Variants in MTMR8 observed in about 807,000 individuals in gnomAD.
MTMR8 encodes myotubularin related protein 8, also known as phosphatidylinositol-3,5-bisphosphate 3-phosphatase MTMR8.
Under a neutral mutation model 39.3 loss-of-function variants are expected in MTMR8, and 65 were observed. That is an observed-to-expected ratio of 1.65 (90% CI 1.35 to 2.03). The LOEUF (loss-of-function observed/expected upper bound fraction) is 2.03. Among genes scored for constraint, MTMR8 ranks in the 30% most tolerant of loss-of-function variants. The pLI is 0.00. For synonymous variants in MTMR8, 245 were observed against 185.2 expected, an observed-to-expected ratio of 1.32 and a Z score of -2.62; for missense variants, 777 against 538.9, an observed-to-expected ratio of 1.44 and a Z score of -4.37.
intron 12 of MTMR8, among the ~76,000 whole-genome samples, chrX:64,303,580 T>A (rs1921977229): frequency 8.9e-6 from 1 of 112,344 alleles, no homozygotes; most frequent in East Asian, 2.8e-4. Flanking sequence ...GGAAGGCACA[T>A]GATTTCCTAA....
At chrX:64,320,240 T>C (rs1411552410) in intron 12 of MTMR8, among the ~76,000 whole-genome samples, 1 of 111,196 alleles carries the variant, frequency 9.0e-6, no homozygotes, top group Non-Finnish European at 1.9e-5. Flanking sequence ...CTTGTGATTT[T>C]TGCACATTGA....
At chrX:64,272,467 A>G (rs1046257183) in intron 12 of MTMR8, among the ~76,000 whole-genome samples, 4 of 111,517 alleles carry the variant, frequency 3.6e-5, no homozygotes, top group Non-Finnish European at 7.5e-5. Flanking sequence ...ATTATTTGTC[A>G]TTATCCAGTC....
At chrX:64,277,007 C>A (rs1021515649) in intron 12 of MTMR8, among the ~76,000 whole-genome samples, 1 of 111,697 alleles carries the variant, frequency 9.0e-6, no homozygotes, top group Non-Finnish European at 1.9e-5. Context: ...TTATGTAATG[C>A]CCTTCTTTGT....
Position 64,370,255 on chromosome X carries a change from T to C in MTMR8, c.25-10728A>G, listed in dbSNP as rs191774256. On this transcript the variant is annotated intron_variant, in intron 1 of 13. Coordinates refer to ENST00000374852, the MANE Select transcript of MTMR8 (RefSeq NM_017677.4). ...AATAATCTTAGATATTTAAATGGTGTTGTATGATGTTGGCCTCTTTAACTC... is the reference window on the plus strand; with the variant it reads ...AATAATCTTAGATATTTAAATGGTGCTGTATGATGTTGGCCTCTTTAACTC... 1.4e-4 allele frequency among the ~76,000 whole-genome samples: 16 copies of C among 111,223 alleles called. No homozygotes were observed. In the East Asian group the frequency reaches 4.5e-3, roughly 31 times the overall value.
chrX:64,302,439 A>G (rs7051598), intron 12 of MTMR8, among the ~76,000 whole-genome samples: 26,749 of 111,106 alleles, frequency 0.24, 7,701 homozygotes, highest in African/African-American at 0.83. Flanking sequence ...GACGGTGCGC[A>G]CACCCACTGG....
intron 12 of MTMR8, among the ~76,000 whole-genome samples, chrX:64,312,359 C>G (rs1033030233): frequency 9.0e-6 from 1 of 111,620 alleles, no homozygotes; most frequent in Non-Finnish European, 1.9e-5. Context: ...ATTTTGCATC[C>G]TGAGACTTTG....
intron 4 of MTMR8, among the ~76,000 whole-genome samples, chrX:64,353,647 A>G (rs1773024622): frequency 8.9e-6 from 1 of 111,989 alleles, no homozygotes; most frequent in South Asian, 3.7e-4. Flanking sequence ...TAGGAATGTA[A>G]ATTAGTACAG....
rs138371000 is a variant in MTMR8 at position 64,359,525 on chromosome X, T to C, written c.27A>G (p.Val9=). Residue 9 remains valine, a splice_region_variant and synonymous_variant, in exon 2 of 14, where the codon GTA becomes GTG. Transcript: ENST00000374852. Reference sequence around the variant, plus strand: ...AACGATCCACCAATTTCACGTTTTCTACCTGTTATTGGAGGAAAAAATACT... The same window carrying C: ...AACGATCCACCAATTTCACGTTTTCCACCTGTTATTGGAGGAAAAAATACT... MDHITVPK[V]ENVKLVDRYV... is the part of the protein sequence containing the mutation. 58 of 1,195,766 alleles carry C rather than the reference T, an allele frequency of 4.9e-5. No homozygotes were observed. The African/African-American group carries it at 9.3e-4, about 19-fold the overall frequency.
intron 12 of MTMR8, among the ~76,000 whole-genome samples, chrX:64,296,401 T>A (rs1921583629): frequency 9.0e-6 from 1 of 110,701 alleles, no homozygotes; most frequent in African/African-American, 3.3e-5. Flanking sequence ...TGATGGTAGA[T>A]GCACAACTTC....
In MTMR8 at chrX:64,359,399, A is replaced by G; in HGVS notation, c.147+6T>C. On this transcript the variant is annotated splice_donor_region_variant and intron_variant, in intron 2 of 13. Coordinates refer to ENST00000374852, the MANE Select transcript of MTMR8 (RefSeq NM_017677.4). ...GACTCTTTGATACTTCTTCTCATGAACATACCCATGTTTCTTTCCGGGCTG... is the reference window on the plus strand; with the variant it reads ...GACTCTTTGATACTTCTTCTCATGAGCATACCCATGTTTCTTTCCGGGCTG... 4 of 1,202,171 alleles carry G rather than the reference A, an allele frequency of 3.3e-6. No homozygotes were observed.
chrX:64,327,943 C>T (rs1423181490), intron 12 of MTMR8, among the ~76,000 whole-genome samples: 1 of 112,237 alleles, frequency 8.9e-6, no homozygotes, highest in Middle Eastern at 4.2e-3. Context: ...AAGGCAAATA[C>T]AGCATAATCA....
chrX:64,328,630 G>T, intron 12 of MTMR8, 142 bp downstream of exon 12: 1 of 498,278 alleles, frequency 2.0e-6, no homozygotes, highest in Non-Finnish European at 2.9e-6. Context: ...TTCAGAAGCA[G>T]CAATGTATGG....
At chrX:64,364,684 T>TA (rs1038674903) in intron 1 of MTMR8, among the ~76,000 whole-genome samples, 2 of 111,542 alleles carry the variant, frequency 1.8e-5, no homozygotes, top group African/African-American at 6.5e-5. Flanking sequence ...CTAAAAATTC[T>TA]AAAAACCAGA....
chrX:64,281,701 G>A (rs1932017886), intron 12 of MTMR8, among the ~76,000 whole-genome samples: 1 of 111,139 alleles, frequency 9.0e-6, no homozygotes, highest in Non-Finnish European at 1.9e-5. Context: ...ATTGACAAAT[G>A]GGATCTAATT....
intron 1 of MTMR8, among the ~76,000 whole-genome samples, chrX:64,381,420 T>A (rs187088205): frequency 3.7e-5 from 4 of 109,025 alleles, no homozygotes; most frequent in African/African-American, 1.4e-4. Context: ...TCTGTGCATA[T>A]CCTTCGCCTA....
chrX:64,356,255 G>A lies in MTMR8; in HGVS notation c.231C>T (p.Phe77=), dbSNP rs267606498. 1 of 1,210,007 alleles carries A rather than the reference G, an allele frequency of 8.3e-7. No homozygotes were observed. The highest frequency in any genetic ancestry group is 1.1e-6 in the Non-Finnish European group (1 of 894,579). The change falls in exon 3 of 14, where the codon TTC becomes TTT. Residue 77 remains phenylalanine, a synonymous_variant. Transcript: ENST00000374852. ...AATCTAAAACAAAGTGGGCCACCCG[G>A]AAATTCTTGCAGCGGAGGGTCAGGG... The part of the protein sequence containing the change: ...GCPLTLRCKN[F]RVAHFVLDSD...
At chrX:64,295,898 C>G (rs5964758) in intron 12 of MTMR8, among the ~76,000 whole-genome samples, 26,981 of 111,306 alleles carry the variant, frequency 0.24, 7,722 homozygotes, top group African/African-American at 0.83. Context: ...AAAACAACTT[C>G]GAAGTCGTTT....
At chrX:64,294,811 C>T (rs1386576408) in intron 12 of MTMR8, among the ~76,000 whole-genome samples, 1 of 111,712 alleles carries the variant, frequency 9.0e-6, no homozygotes, top group Admixed American at 9.5e-5. Context: ...GCTTTGCCTT[C>T]TCTTAATGCC....
chrX:64,322,717 C>T (rs1922685051), intron 12 of MTMR8, among the ~76,000 whole-genome samples: 1 of 112,356 alleles, frequency 8.9e-6, no homozygotes, highest in Non-Finnish European at 1.9e-5. Context: ...GCTGCACTGC[C>T]ATTACACCAC....
Sources: allele counts gnomAD v4.1 joint callset (sites outside exome capture counted in the v4.1 genomes callset), GRCh38; gene constraint gnomAD v4.1.1; transcripts MANE v1.5; gene names NCBI Gene and HGNC (gene_info 2026-07-23, HGNC 2026-07-21).